SEMA6D: variants seen among roughly 807,000 people sequenced by gnomAD.
SEMA6D encodes semaphorin 6D, also known as semaphorin-6D.
In SEMA6D, 35 loss-of-function variants were observed where a neutral mutation model predicts 106.6. The ratio of observed to expected loss-of-function variants is 0.33; its 90% confidence interval spans 0.25 to 0.44. The LOEUF (loss-of-function observed/expected upper bound fraction) is 0.44, where lower values mean the gene tolerates loss of function less well. Among genes scored for constraint, SEMA6D ranks in the 20% least tolerant of loss-of-function variants. The pLI is 1.00. For missense variants in SEMA6D, 1,185 were observed against 1,345.9 expected (o/e 0.88, Z 1.87); for synonymous variants, 499 against 487.7 (o/e 1.02, Z -0.31).
rs1555448744 is a variant in SEMA6D at position 47,494,789 on chromosome 15, T to TAA, written c.-87+24245_-87+24246dup. 3.0e-4 allele frequency among the ~76,000 whole-genome samples: 27 copies of TAA among 88,870 alleles called. 1 individual carries two copies. The highest frequency in any genetic ancestry group is 1.3e-3 in the African/African-American group (25 of 19,844). The allele number at this position is 88,870 out of a possible 152,430, so 58.3% of individuals were successfully genotyped here. On this transcript the variant is annotated intron_variant, in intron 3 of 19. Transcript: ENST00000558014. ...ATATATATATATATATATATATATATAATCTCCAGATACACACACACACAC... is the reference window on the plus strand; with the variant it reads ...ATATATATATATATATATATATATATAAAATCTCCAGATACACACACACACAC...
intron 1 of SEMA6D, among the ~76,000 whole-genome samples, chr15:47,294,025 G>A (rs1003073915): frequency 6.6e-6 from 1 of 152,160 alleles, no homozygotes; most frequent in Non-Finnish European, 1.5e-5. Context: ...TGTGGTTGAA[G>A]CAACTTTTTT....
intron 2 of SEMA6D, among the ~76,000 whole-genome samples, chr15:47,444,780 C>G (rs1347134893): frequency 6.6e-6 from 1 of 152,148 alleles, no homozygotes; most frequent in Non-Finnish European, 1.5e-5. Context: ...GAGTGGGTGT[C>G]TGTAACTCCT....
chr15:47,453,924 T>C (rs2042265610), intron 2 of SEMA6D, among the ~76,000 whole-genome samples: 1 of 151,952 alleles, frequency 6.6e-6, no homozygotes, highest in African/African-American at 2.4e-5. Flanking sequence ...AAGCTTATTT[T>C]CTATTGATGC....
At chr15:47,751,971 A>G (rs2081463840) in intron 1 of SEMA6D, among the ~76,000 whole-genome samples, 3 of 152,176 alleles carry the variant, frequency 2.0e-5, no homozygotes, top group Admixed American at 2.0e-4. Flanking sequence ...GTGGCATGAC[A>G]TGACATATTC....
At chr15:47,273,329 T>A (rs2034646604) in intron 1 of SEMA6D, among the ~76,000 whole-genome samples, 1 of 152,008 alleles carries the variant, frequency 6.6e-6, no homozygotes, top group South Asian at 2.1e-4. Context: ...ATCTCTACTC[T>A]TCCCCAACAA....
intron 4 of SEMA6D, among the ~76,000 whole-genome samples, chr15:47,614,427 A>T (rs1159720906): frequency 6.6e-6 from 1 of 152,168 alleles, no homozygotes; most frequent in Non-Finnish European, 1.5e-5. Flanking sequence ...CTTTAAGTTG[A>T]CAACCCTCAT....
intron 1 of SEMA6D, among the ~76,000 whole-genome samples, chr15:47,271,428 G>A (rs1294338010): frequency 6.6e-6 from 1 of 152,178 alleles, no homozygotes; most frequent in Non-Finnish European, 1.5e-5. Context: ...AAAAGTGTGT[G>A]TGTGTGTTGG....
At chr15:47,284,724 T>A (rs2035282496) in intron 1 of SEMA6D, among the ~76,000 whole-genome samples, 1 of 152,202 alleles carries the variant, frequency 6.6e-6, no homozygotes, top group Non-Finnish European at 1.5e-5. Context: ...ACTCAATTTC[T>A]TATATTTTCT....
intron 1 of SEMA6D, among the ~76,000 whole-genome samples, chr15:47,388,690 G>A (rs769751584): frequency 1.3e-5 from 2 of 151,922 alleles, no homozygotes; most frequent in Non-Finnish European, 2.9e-5. Context: ...TATCTCTTAC[G>A]GTCAGGAAGC....
intron 1 of SEMA6D, among the ~76,000 whole-genome samples, chr15:47,319,037 TTTTA>T (rs2036815877): frequency 6.6e-6 from 1 of 152,114 alleles, no homozygotes; most frequent in African/African-American, 2.4e-5. Context: ...TTTTTTTCAG[TTTTA>T]TTTCTCTTTG....
At chr15:47,574,837 C>T (rs1483716425) in intron 3 of SEMA6D, among the ~76,000 whole-genome samples, 1 of 152,142 alleles carries the variant, frequency 6.6e-6, no homozygotes, top group Non-Finnish European at 1.5e-5. Flanking sequence ...CCTCATTTCC[C>T]CACATTATTA....
intron 1 of SEMA6D, among the ~76,000 whole-genome samples, chr15:47,219,618 A>T (rs1878196): frequency 2.0e-5 from 3 of 152,108 alleles, no homozygotes; most frequent in African/African-American, 7.2e-5. Context: ...CATAAGAAAC[A>T]TGGTGTTTTT....
intron 1 of SEMA6D, among the ~76,000 whole-genome samples, chr15:47,266,170 A>C (rs1022321185): frequency 2.0e-5 from 3 of 152,052 alleles, no homozygotes; most frequent in Admixed American, 6.6e-5. Context: ...AGTTTTGCCT[A>C]TCTCTCCAAT....
intron 2 of SEMA6D, among the ~76,000 whole-genome samples, chr15:47,422,208 TC>T (rs2041191678): frequency 6.6e-6 from 1 of 150,416 alleles, no homozygotes; most frequent in African/African-American, 2.4e-5. Context: ...CTTCCTTCCT[TC>T]CTTCCTTCCT....
At chr15:47,553,757 A>AT (rs2045835147) in intron 3 of SEMA6D, among the ~76,000 whole-genome samples, 1 of 152,184 alleles carries the variant, frequency 6.6e-6, no homozygotes, top group Non-Finnish European at 1.5e-5. Context: ...AAAAAAAAAA[A>AT]TTAAATGTCT....
intron 1 of SEMA6D, among the ~76,000 whole-genome samples, chr15:47,313,248 A>G (rs2143153360): frequency 6.6e-6 from 1 of 152,296 alleles, no homozygotes; most frequent in Non-Finnish European, 1.5e-5. Context: ...TCATTGCCCT[A>G]AAAATCTTCT....
chr15:47,766,112 A>T lies in SEMA6D; in HGVS notation c.1576A>T (p.Ile526Phe). The change falls in exon 15 of 19, where the codon ATT becomes TTT. Residue 526 changes from isoleucine (I) to phenylalanine (F), a missense_variant. Around this residue, in one of 3 missense-constraint regions of SEMA6D, gnomAD observed 750 missense variants for 783.5 expected, o/e 0.96. Coordinates refer to ENST00000536845, the MANE Select transcript of SEMA6D (RefSeq NM_001358351.3). ...ERYGSCKKSCIASRDPYCGWL... is the reference protein window; with the variant it reads ...ERYGSCKKSCFASRDPYCGWL... ...CTGTTTGGTTTTACACAGGTCTTGT[A>T]TTGCATCTCGTGACCCGTATTGTGG... 1 of 1,613,684 alleles carries T rather than the reference A, an allele frequency of 6.2e-7. No individual in the cohort carries two copies. The highest frequency in any genetic ancestry group is 8.5e-7 in the Non-Finnish European group (1 of 1,179,728).
At chr15:47,547,611 T>C (rs540237605) in intron 3 of SEMA6D, among the ~76,000 whole-genome samples, 1 of 152,300 alleles carries the variant, frequency 6.6e-6, no homozygotes, top group Admixed American at 6.5e-5. Context: ...TCCATCTTTG[T>C]TCTTCTTTAA....
At chr15:47,583,689 G>A (rs906780873) in intron 3 of SEMA6D, among the ~76,000 whole-genome samples, 3 of 152,138 alleles carry the variant, frequency 2.0e-5, no homozygotes, top group African/African-American at 4.8e-5. Context: ...GTGATGGCCC[G>A]CAGAGAGCAG....
Sources: gnomAD v4.1 joint callset for allele counts (sites outside exome capture counted in the v4.1 genomes callset) on GRCh38, gnomAD v4.1.1 for gene constraint, gnomAD v4.1.1 regional missense constraint, MANE v1.5 for transcripts, NCBI Gene and HGNC (gene_info 2026-07-23, HGNC 2026-07-21) for gene names.